The following DAB1 variants were observed in gnomAD, a reference collection of about 807,000 sequenced individuals.
DAB1 encodes the protein DAB adaptor protein 1.
A neutral mutation model predicts 64.6 loss-of-function variants in DAB1; 15 were observed. That is an observed-to-expected ratio of 0.23 (90% CI 0.16 to 0.36). The LOEUF is 0.36. DAB1 is among the 10% of genes least tolerant of loss of function. The pLI is 1.00. For synonymous variants in DAB1, 235 were observed against 251.9 expected, an observed-to-expected ratio of 0.93 and a Z score of 0.64; for missense variants, 596 against 706.7, an observed-to-expected ratio of 0.84 and a Z score of 1.78.
At chr1:58,330,871 T>C (rs967497715) in intron 4 of DAB1, among the ~76,000 whole-genome samples, 1 of 152,176 alleles carries the variant, frequency 6.6e-6, no homozygotes, top group African/African-American at 2.4e-5. Flanking sequence ...TGGGCTCTGA[T>C]GGAGATATAC....
At chr1:57,891,466 TAA>T (rs1644313106) in intron 5 of DAB1, among the ~76,000 whole-genome samples, 1 of 152,190 alleles carries the variant, frequency 6.6e-6, no homozygotes, top group Non-Finnish European at 1.5e-5. Context: ...CTCAAAGATC[TAA>T]AACTAGAATT....
At chr1:57,706,645 C>T (rs1305778347) in intron 6 of DAB1, among the ~76,000 whole-genome samples, 1 of 152,072 alleles carries the variant, frequency 6.6e-6, no homozygotes. Flanking sequence ...TCTTTTCTCC[C>T]CATTTTTCTT....
At chr1:58,215,976 CATGG>C (rs71733910) in intron 4 of DAB1, among the ~76,000 whole-genome samples, 5 of 151,980 alleles carry the variant, frequency 3.3e-5, no homozygotes, top group African/African-American at 4.8e-5. Context: ...TGAATGAATG[CATGG>C]ATGGATGGAT....
At chr1:58,506,814 A>G (rs1001788748) in intron 2 of DAB1, among the ~76,000 whole-genome samples, 2 of 152,112 alleles carry the variant, frequency 1.3e-5, no homozygotes, top group Non-Finnish European at 2.9e-5. Context: ...AATTTACCCA[A>G]TTTTCTCAAT....
intron 1 of DAB1, among the ~76,000 whole-genome samples, chr1:57,344,240 T>G (rs1282502787): frequency 1.3e-5 from 2 of 152,170 alleles, no homozygotes; most frequent in African/African-American, 2.4e-5. Context: ...ACTTTGTAAT[T>G]TGCACATCTG....
chr1:57,559,498 G>A (rs921197319), intron 7 of DAB1, among the ~76,000 whole-genome samples: 6 of 152,292 alleles, frequency 3.9e-5, no homozygotes, highest in African/African-American at 1.4e-4. Context: ...AAAAGGAGAC[G>A]ATCAGACATT....
chr1:57,023,948 T>C (rs1049562425), intron 10 of DAB1, among the ~76,000 whole-genome samples: 5 of 152,194 alleles, frequency 3.3e-5, no homozygotes, highest in Admixed American at 3.3e-4. Context: ...TGATTTAGTT[T>C]GAGCCCCTAC....
At position 57,951,980 on chromosome 1, in the gene DAB1, G is replaced by A. The variant is rs144626900; in HGVS notation, n.388-67818C>T. 4.6e-3 allele frequency among the ~76,000 whole-genome samples: 696 copies of A among 152,252 alleles called. 4 individuals carry two copies. The highest frequency in any genetic ancestry group is 5.6e-3 in the Non-Finnish European group (382 of 68,004). On this transcript the variant is annotated intron_variant and non_coding_transcript_variant, in intron 5 of 20. Coordinates refer to the DAB1 transcript ENST00000485760. ...TCAGAGGGCAAAAGGAAGTCATTCC[G>A]CTTATACAGTGCATCCTGGGTGGAC...
chr1:57,690,865 T>C (rs1646755504), intron 6 of DAB1, among the ~76,000 whole-genome samples: 1 of 152,192 alleles, frequency 6.6e-6, no homozygotes, highest in Non-Finnish European at 1.5e-5. Flanking sequence ...ATTCTTATTG[T>C]AGTTTTGATT....
intron 7 of DAB1, among the ~76,000 whole-genome samples, chr1:57,477,215 T>C (rs945928156): frequency 2.1e-4 from 32 of 152,292 alleles, no homozygotes; most frequent in African/African-American, 7.0e-4. Context: ...TTTTGATATT[T>C]TGATTTTATG....
At chr1:58,239,875 G>T (rs183490722) in intron 4 of DAB1, among the ~76,000 whole-genome samples, 1 of 152,266 alleles carries the variant, frequency 6.6e-6, no homozygotes, top group East Asian at 1.9e-4. Context: ...CAGCCAAGAA[G>T]ACCAAAGGTT....
chr1:57,104,537 C>G (rs1245279477), intron 4 of DAB1, among the ~76,000 whole-genome samples: 1 of 152,204 alleles, frequency 6.6e-6, no homozygotes, highest in South Asian at 2.1e-4. Flanking sequence ...TTATTTTAAT[C>G]TATGCCCTAT....
At chr1:57,019,660 G>A (rs1646550449) in intron 11 of DAB1, among the ~76,000 whole-genome samples, 1 of 152,198 alleles carries the variant, frequency 6.6e-6, no homozygotes, top group Non-Finnish European at 1.5e-5. Flanking sequence ...TGGACAGAGG[G>A]AGCCACTTGG....
chr1:58,537,498 T>C (rs1646536171), intron 1 of DAB1, among the ~76,000 whole-genome samples: 1 of 152,222 alleles, frequency 6.6e-6, no homozygotes, highest in African/African-American at 2.4e-5. Flanking sequence ...GGAGATTTTA[T>C]AGATAACATC....
intron 5 of DAB1, among the ~76,000 whole-genome samples, chr1:57,937,746 G>A (rs1645047590): frequency 6.6e-6 from 1 of 152,196 alleles, no homozygotes; most frequent in Non-Finnish European, 1.5e-5. Context: ...TCAACAGGCT[G>A]AAGGACTCAA....
chr1:58,152,895 G>T (rs141103313), intron 4 of DAB1, among the ~76,000 whole-genome samples: 1 of 152,084 alleles, frequency 6.6e-6, no homozygotes. Flanking sequence ...ACAAGTGGCC[G>T]GTCCAAATCA....
chr1:57,972,626 T>C (rs1645826122), intron 5 of DAB1, among the ~76,000 whole-genome samples: 1 of 152,234 alleles, frequency 6.6e-6, no homozygotes, highest in Admixed American at 6.5e-5. Flanking sequence ...TATAAGTAAG[T>C]ATAACTAGTT....
At chr1:57,098,975 G>T (rs982670073) in intron 4 of DAB1, among the ~76,000 whole-genome samples, 2 of 152,170 alleles carry the variant, frequency 1.3e-5, no homozygotes, top group African/African-American at 2.4e-5. Flanking sequence ...CTGCTTACCC[G>T]CATGGACTGG....
intron 1 of DAB1, among the ~76,000 whole-genome samples, chr1:57,840,154 G>C (rs1249610052): frequency 1.3e-5 from 2 of 152,190 alleles, no homozygotes; most frequent in Non-Finnish European, 2.9e-5. Context: ...TAGTCAACAG[G>C]ATGCATTTTG....
Sources: gnomAD v4.1 joint callset for allele counts (sites outside exome capture counted in the v4.1 genomes callset) on GRCh38, gnomAD v4.1.1 for gene constraint, MANE v1.5 for transcripts, NCBI Gene and HGNC (gene_info 2026-07-23, HGNC 2026-07-21) for gene names.